Variants in KIF6 observed in about 807,000 individuals in gnomAD.
KIF6 encodes the protein kinesin-like protein KIF6.
Under a neutral mutation model 112.7 loss-of-function variants are expected in KIF6, and 106 were observed. That is an observed-to-expected ratio of 0.94 (90% confidence interval 0.80 to 1.11). The LOEUF (loss-of-function observed/expected upper bound fraction) is 1.11, where lower values mean the gene tolerates loss of function less well. KIF6 is among the 50% of genes least tolerant of loss of function. The probability of loss-of-function intolerance (pLI) is 0.00; values close to 1 mark genes in which losing one functional copy is unlikely to be tolerated. For missense variants in KIF6, 929 were observed against 964.0 expected (o/e 0.96, Z 0.48); for synonymous variants, 339 against 339.9 (o/e 1.00, Z 0.03).
At chr6:39,388,659 C>T (rs1220641096) in intron 15 of KIF6, among the ~76,000 whole-genome samples, 1 of 152,026 alleles carries the variant, frequency 6.6e-6, no homozygotes, top group Non-Finnish European at 1.5e-5. Flanking sequence ...GATCTTGCAG[C>T]TTTATGGGTT....
chr6:39,634,185 A>G (rs891948443), intron 5 of KIF6, among the ~76,000 whole-genome samples: 18 of 152,204 alleles, frequency 1.2e-4, no homozygotes, highest in Admixed American at 9.8e-4. Flanking sequence ...TACTTTTGAT[A>G]TATGATGTCT....
chr6:39,343,435 A>C lies in KIF6; in HGVS notation c.2428+274T>G, dbSNP rs1333950841. 3 of 1,414,398 alleles carry C rather than the reference A, an allele frequency of 2.1e-6. No individual in the cohort carries two copies. The highest frequency in any genetic ancestry group is 2.8e-6 in the Non-Finnish European group (3 of 1,069,742). 87.6% of individuals were successfully genotyped at this position (1,414,398 alleles called of 1,614,324 possible). Reference sequence around the variant, plus strand: ...GGAACAGAGAACAAAGGAGCTGAAGATCTGGAAGAGACAGAGAGCAAGCTC... The same window carrying C: ...GGAACAGAGAACAAAGGAGCTGAAGCTCTGGAAGAGACAGAGAGCAAGCTC... On this transcript the variant is annotated intron_variant, in intron 22 of 22. Coordinates refer to ENST00000287152, the MANE Select transcript of KIF6 (RefSeq NM_145027.6). This position sits in a 1 kb window ranked among gnomAD's most constrained non-coding sequence, Gnocchi z 4.1.
chr6:39,615,775 G>A (rs1332124943), intron 5 of KIF6, among the ~76,000 whole-genome samples: 2 of 152,040 alleles, frequency 1.3e-5, no homozygotes, highest in Non-Finnish European at 2.9e-5. Context: ...TAAAACACCT[G>A]AAGACACTGA....
intron 3 of KIF6, among the ~76,000 whole-genome samples, chr6:39,695,005 A>AAT (rs1181604770): frequency 6.6e-6 from 1 of 152,192 alleles, no homozygotes. Context: ...ACACTCCTGA[A>AAT]ATAAAGCTGC....
intron 13 of KIF6, among the ~76,000 whole-genome samples, chr6:39,493,333 G>A (rs1453176677): frequency 2.0e-5 from 3 of 152,192 alleles, no homozygotes; most frequent in Non-Finnish European, 4.4e-5. Flanking sequence ...ACCATAAAGT[G>A]GTTAAGTGAC....
At position 39,342,942 on chromosome 6, in the gene KIF6, TG is replaced by T. The variant is rs1763425579; in HGVS notation, c.2428+766del. 4 of 985,382 alleles carry T rather than the reference TG, an allele frequency of 4.1e-6. No homozygotes were observed. Among genetic ancestry groups the T allele is most frequent in the Non-Finnish European group, 3.6e-6 (3 of 829,924 alleles). 61.0% of individuals were successfully genotyped at this position (985,382 alleles called of 1,614,324 possible). On this transcript the variant is annotated intron_variant, in intron 22 of 22. Transcript: ENST00000287152. This position sits in a 1 kb window ranked among gnomAD's most constrained non-coding sequence, Gnocchi z 4.7. ...AATCTGCCAGCCCATACCATCACGGTGGGGGCGCCTTTCTGGCAATGTGAAG... is the reference window on the plus strand; with the variant it reads ...AATCTGCCAGCCCATACCATCACGGTGGGGCGCCTTTCTGGCAATGTGAAG...
At chr6:39,476,190 C>T (rs548203212) in intron 13 of KIF6, among the ~76,000 whole-genome samples, 3 of 151,122 alleles carry the variant, frequency 2.0e-5, no homozygotes, top group African/African-American at 7.3e-5. Flanking sequence ...CACATGTATC[C>T]CAGAACTTAA....
chr6:39,386,344 G>A (rs1387822773), intron 15 of KIF6, among the ~76,000 whole-genome samples: 1 of 152,038 alleles, frequency 6.6e-6, no homozygotes, highest in East Asian at 1.9e-4. Context: ...AATGGTGAGG[G>A]GTCTGAAACC....
At chr6:39,673,270 C>G (rs1368519674) in intron 3 of KIF6, among the ~76,000 whole-genome samples, 1 of 152,134 alleles carries the variant, frequency 6.6e-6, no homozygotes, top group African/African-American at 2.4e-5. Context: ...TATTTTTTAG[C>G]TTCTATAATG....
intron 13 of KIF6, among the ~76,000 whole-genome samples, chr6:39,490,627 C>G (rs1775423179): frequency 6.6e-6 from 1 of 152,132 alleles, no homozygotes; most frequent in African/African-American, 2.4e-5. Context: ...GTAGCTGGAG[C>G]TTGGGAAAGG....
At chr6:39,705,675 A>C (rs1383144834) in intron 3 of KIF6, among the ~76,000 whole-genome samples, 1 of 152,220 alleles carries the variant, frequency 6.6e-6, no homozygotes, top group Non-Finnish European at 1.5e-5. Context: ...TGAACACCCC[A>C]GAAGCAGCCT....
At chr6:39,491,108 C>T (rs567560060) in intron 13 of KIF6, among the ~76,000 whole-genome samples, 1 of 152,232 alleles carries the variant, frequency 6.6e-6, no homozygotes, top group Admixed American at 6.5e-5. Flanking sequence ...ATCTGGGACT[C>T]ATTTGTAATC....
chr6:39,356,658 C>T (rs376816894), intron 19 of KIF6, among the ~76,000 whole-genome samples: 75 of 152,294 alleles, frequency 4.9e-4, no homozygotes, highest in South Asian at 1.9e-3. Context: ...GTGGCAGAGA[C>T]GGAGGCCCCA....
chr6:39,720,817 A>G lies in KIF6; in HGVS notation c.67-6T>C, dbSNP rs145032284. The G allele has an allele frequency of 4.4e-4, 551 of 1,259,816 alleles. 1 individual carries two copies. The African/African-American group carries it at 7.0e-3, about 16-fold the overall frequency. The allele number at this position is 1,259,816 out of a possible 1,614,324, so 78.0% of individuals were successfully genotyped here. On this transcript the variant is annotated splice_region_variant and splice_polypyrimidine_tract_variant and intron_variant, in intron 1 of 22. Coordinates refer to ENST00000287152, the MANE Select transcript of KIF6 (RefSeq NM_145027.6). Reference sequence around the variant, plus strand: ...TCTTCATCTATGGAATAAATCTGCAAATGTGAAGACAACAAATGGATATAA... The same window carrying G: ...TCTTCATCTATGGAATAAATCTGCAGATGTGAAGACAACAAATGGATATAA...
chr6:39,614,424 A>T (rs1426313486), intron 5 of KIF6, among the ~76,000 whole-genome samples: 3 of 152,214 alleles, frequency 2.0e-5, no homozygotes, highest in Non-Finnish European at 4.4e-5. Context: ...TTTCTTTTTT[A>T]TAAAAACTTA....
rs1470215174 is a variant in KIF6 at position 39,378,908 on chromosome 6, G to T, written c.1861+6714C>A. ...TGAGTACCCGGATCCTATTATCTTG[G>T]CCGCTCACATAAACGCTTTCAGTGA... On this transcript the variant is annotated intron_variant, in intron 16 of 22. Transcript: ENST00000287152. This position sits in a 1 kb window ranked among gnomAD's most constrained non-coding sequence, Gnocchi z 5.0. Among the ~76,000 whole-genome samples, 1 of 152,148 alleles carries T rather than the reference G, an allele frequency of 6.6e-6. No homozygotes were observed. The highest frequency in any genetic ancestry group is 1.5e-5 in the Non-Finnish European group (1 of 68,030).
At chr6:39,366,730 T>C (rs993632106) in intron 16 of KIF6, among the ~76,000 whole-genome samples, 18 of 151,820 alleles carry the variant, frequency 1.2e-4, no homozygotes, top group East Asian at 3.9e-4. Flanking sequence ...CCAGGAGCGG[T>C]TGGGAAGGGA....
In KIF6 at chr6:39,385,651, G is replaced by C; in HGVS notation, c.1832C>G (p.Thr611Ser). 6.2e-7 allele frequency: 1 copy of C among 1,613,388 alleles called. No homozygotes were observed. Among genetic ancestry groups the C allele is most frequent in the Non-Finnish European group, 8.5e-7 (1 of 1,179,608 alleles). Residue 611 changes from threonine (T) to serine (S), a missense_variant, in exon 16 of 23, where the codon ACC (threonine) becomes AGC (serine). By Grantham distance (58) the Thr-to-Ser change is moderately conservative. Transcript: ENST00000287152. ...GGCTACTTGCTGTATATGCCGCTGG[G>C]TGATTTCTTCCTTCAGGTGACCTGC... ...SKIGHLKEEI[T>S]QRHIQQVALG... is the part of the protein sequence containing the mutation.
intron 13 of KIF6, among the ~76,000 whole-genome samples, chr6:39,537,071 T>C (rs1461597144): frequency 6.6e-6 from 1 of 152,160 alleles, no homozygotes. Context: ...TATCTCAAAA[T>C]AATAAGAGCT....
Sources: allele counts gnomAD v4.1 joint callset (sites outside exome capture counted in the v4.1 genomes callset), GRCh38; gene constraint gnomAD v4.1.1; non-coding constraint Gnocchi (gnomAD v3.1); transcripts MANE v1.5; gene names NCBI Gene and HGNC (gene_info 2026-07-23, HGNC 2026-07-21).